Variants in RAB3GAP1 observed in about 807,000 individuals in gnomAD.
The protein encoded by RAB3GAP1 is RAB3 GTPase activating protein catalytic subunit 1, also known as rab3 GTPase-activating protein catalytic subunit.
RAB3GAP1 carries 86 observed loss-of-function variants against 130.7 expected under a neutral mutation model. The ratio of observed to expected loss-of-function variants is 0.66; its 90% CI spans 0.55 to 0.79. The LOEUF is 0.79. Among genes scored for constraint, RAB3GAP1 ranks in the 30% least tolerant of loss-of-function variants. The pLI is 0.00. For synonymous variants in RAB3GAP1, 367 were observed against 401.7 expected (o/e 0.91, Z 1.03); for missense variants, 1,029 against 1,169.4 (o/e 0.88, Z 1.75).
chr2:135,091,911 C>A (rs191273257), intron 4 of RAB3GAP1, among the ~76,000 whole-genome samples: 1 of 152,288 alleles, frequency 6.6e-6, no homozygotes, highest in Non-Finnish European at 1.5e-5. Context: ...TATCCTTCTT[C>A]ATTCACTAAG....
intron 19 of RAB3GAP1, chr2:135,162,283 T>C: frequency 2.6e-6 from 1 of 385,616 alleles, no homozygotes. Flanking sequence ...GGTATTGTAA[T>C]CAGTCGGTAG....
chr2:135,113,681 G>T (rs1378427781), intron 6 of RAB3GAP1, among the ~76,000 whole-genome samples: 1 of 152,000 alleles, frequency 6.6e-6, no homozygotes, highest in Non-Finnish European at 1.5e-5. Flanking sequence ...GAGCTGATCT[G>T]TCTGAACCTC....
At chr2:135,056,099 G>T (rs1689002572) in intron 2 of RAB3GAP1, among the ~76,000 whole-genome samples, 1 of 151,718 alleles carries the variant, frequency 6.6e-6, no homozygotes, top group South Asian at 2.1e-4. Flanking sequence ...GCCTCCCAAA[G>T]TGCTGGGATT....
chr2:135,136,831 A>G, intron 17 of RAB3GAP1: 1 of 492,750 alleles, frequency 2.0e-6, no homozygotes, highest in Non-Finnish European at 3.1e-6. Context: ...ACAATGGCTC[A>G]AGCCTGCAAG....
rs150851637 is a variant in RAB3GAP1 at position 135,052,620 on chromosome 2, C to A, written c.74+135C>A. The A allele has an allele frequency of 6.7e-6, 7 of 1,040,924 alleles. No individual in the cohort carries two copies. In the East Asian group the frequency reaches 1.8e-4, roughly 27 times the overall value. 64.5% of individuals were successfully genotyped at this position (1,040,924 alleles called of 1,614,324 possible). A position where few individuals can be genotyped will look rare whatever the true frequency, so the allele number is the denominator to read the frequency against. ...ATACCGTGGGTCCCGGGTCTCCTCC[C>A]CCAGTCTTCTTTGGTCAACCGCAAG... On this transcript the variant is annotated intron_variant, in intron 2 of 23. Coordinates refer to ENST00000264158, the MANE Select transcript of RAB3GAP1 (RefSeq NM_012233.3).
At position 135,170,671 on chromosome 2, in the gene RAB3GAP1, C is replaced by T. The variant is rs930487571; in HGVS notation, c.*1890C>T. ...GAATGTAATCCTACATTCATGTATTCATTGGCAGTACGGAGTAATAAATGC... is the reference window on the plus strand; with the variant it reads ...GAATGTAATCCTACATTCATGTATTTATTGGCAGTACGGAGTAATAAATGC... On this transcript the variant is annotated 3_prime_UTR_variant, in exon 24 of 24. Transcript: ENST00000264158. 4 of 152,144 alleles carry T rather than the reference C, an allele frequency of 2.6e-5. No individual in the cohort carries two copies. The highest frequency in any genetic ancestry group is 9.7e-5 in the African/African-American group (4 of 41,414). The allele number at this position is 152,144 out of a possible 1,614,324, so 9.4% of individuals were successfully genotyped here. A position where few individuals can be genotyped will look rare whatever the true frequency, so the allele number is the denominator to read the frequency against.
intron 6 of RAB3GAP1, among the ~76,000 whole-genome samples, chr2:135,113,922 A>T (rs1165057096): frequency 2.0e-5 from 3 of 151,750 alleles, no homozygotes; most frequent in East Asian, 3.9e-4. Context: ...TTTATTTTTT[A>T]AATTTTCAGT....
At position 135,104,579 on chromosome 2, in the gene RAB3GAP1, G is replaced by A. The variant is rs376918904; in HGVS notation, c.363-8572G>A. 2.8e-4 allele frequency among the ~76,000 whole-genome samples: 42 copies of A among 152,216 alleles called. No individual in the cohort carries two copies. The East Asian group carries it at 7.1e-3, about 26-fold the overall frequency. ...ATAAAGAACCAAATGGCGGCCAGGCGTGGTGGCTCATGCCTGTAATGCCAC... is the reference window on the plus strand; with the variant it reads ...ATAAAGAACCAAATGGCGGCCAGGCATGGTGGCTCATGCCTGTAATGCCAC... On this transcript the variant is annotated intron_variant, in intron 5 of 23. Transcript: ENST00000264158.
At chr2:135,075,314 A>C (rs1219146967) in intron 3 of RAB3GAP1, among the ~76,000 whole-genome samples, 1 of 152,196 alleles carries the variant, frequency 6.6e-6, no homozygotes, top group Non-Finnish European at 1.5e-5. Context: ...CATATGTATA[A>C]AAAAGTGATA....
chr2:135,123,655 T>C (rs562543155), intron 8 of RAB3GAP1, among the ~76,000 whole-genome samples: 1 of 152,304 alleles, frequency 6.6e-6, no homozygotes, highest in South Asian at 2.1e-4. Context: ...AGTATGCCAT[T>C]CGTAATGGAA....
At chr2:135,100,598 C>T (rs1690423079) in intron 5 of RAB3GAP1, among the ~76,000 whole-genome samples, 2 of 152,208 alleles carry the variant, frequency 1.3e-5, no homozygotes, top group South Asian at 2.1e-4. Context: ...TTTTGTCTTA[C>T]TTGACCTTTC....
At chr2:135,156,273 G>A (rs1692306945) in intron 19 of RAB3GAP1, among the ~76,000 whole-genome samples, 1 of 152,148 alleles carries the variant, frequency 6.6e-6, no homozygotes, top group Non-Finnish European at 1.5e-5. Context: ...AAACCATATA[G>A]TTCCAATGCT....
At chr2:135,166,194 G>A (rs745825980) in intron 23 of RAB3GAP1, among the ~76,000 whole-genome samples, 42 of 151,666 alleles carry the variant, frequency 2.8e-4, no homozygotes, top group Admixed American at 5.3e-4. Flanking sequence ...TATGTGTTAA[G>A]AGGATTTAAA....
intron 3 of RAB3GAP1, among the ~76,000 whole-genome samples, chr2:135,076,599 T>A (rs1318204173): frequency 1.3e-5 from 2 of 152,208 alleles, no homozygotes; most frequent in Non-Finnish European, 2.9e-5. Flanking sequence ...ATATTTTCCC[T>A]CATCTGTCAT....
chr2:135,139,021 A>G (rs1405276968), intron 17 of RAB3GAP1, among the ~76,000 whole-genome samples: 1 of 152,162 alleles, frequency 6.6e-6, no homozygotes, highest in African/African-American at 2.4e-5. Context: ...CTGAATTTTC[A>G]TGAACCTGAG....
intron 2 of RAB3GAP1, among the ~76,000 whole-genome samples, chr2:135,057,108 A>G (rs937081603): frequency 1.3e-5 from 2 of 152,170 alleles, no homozygotes; most frequent in African/African-American, 4.8e-5. Flanking sequence ...GCATGTTGCT[A>G]CTCAAAATTC....
chr2:135,091,234 C>T, intron 4 of RAB3GAP1, 104 bp downstream of exon 4: 1 of 1,137,722 alleles, frequency 8.8e-7, no homozygotes, highest in Non-Finnish European at 1.3e-6. Flanking sequence ...TTCTCTGGAA[C>T]TGTTTTACAT....
At chr2:135,129,363 A>G (rs528857331) in intron 11 of RAB3GAP1, among the ~76,000 whole-genome samples, 1 of 149,698 alleles carries the variant, frequency 6.7e-6, no homozygotes, top group East Asian at 2.0e-4. Context: ...GAGGCAGGAG[A>G]ATGGCGTGAA....
intron 17 of RAB3GAP1, among the ~76,000 whole-genome samples, chr2:135,143,053 C>T (rs1454380094): frequency 6.6e-6 from 1 of 151,908 alleles, no homozygotes; most frequent in African/African-American, 2.4e-5. Flanking sequence ...AGTGAAACCA[C>T]TCAGAATCTG....
Sources: allele counts gnomAD v4.1 joint callset (sites outside exome capture counted in the v4.1 genomes callset), GRCh38; gene constraint gnomAD v4.1.1; transcripts MANE v1.5; gene names NCBI Gene and HGNC (gene_info 2026-07-23, HGNC 2026-07-21).